Variants in CNTNAP2 observed in about 807,000 individuals in gnomAD.
CNTNAP2 encodes contactin-associated protein-like 2.
In CNTNAP2, 98 loss-of-function variants were observed where a neutral mutation model predicts 155.2. That is an observed-to-expected ratio of 0.63 (90% confidence interval 0.54 to 0.75). CNTNAP2 has a LOEUF of 0.75. Among genes scored for constraint, CNTNAP2 ranks in the 30% least tolerant of loss-of-function variants. CNTNAP2 has a pLI of 0.00. For missense variants in CNTNAP2, 1,727 were observed against 1,688.1 expected, an observed-to-expected ratio of 1.02 and a Z score of -0.40; for synonymous variants, 651 against 631.2, an observed-to-expected ratio of 1.03 and a Z score of -0.47.
intron 10 of CNTNAP2, among the ~76,000 whole-genome samples, chr7:147,448,818 C>T (rs893090251): frequency 6.6e-6 from 1 of 151,956 alleles, no homozygotes; most frequent in Non-Finnish European, 1.5e-5. Context: ...GGGTTTAGCT[C>T]TCTGTCTACA....
intron 1 of CNTNAP2, among the ~76,000 whole-genome samples, chr7:146,384,254 A>T (rs1030079661): frequency 6.6e-6 from 1 of 152,216 alleles, no homozygotes. Flanking sequence ...TGCCATTCTA[A>T]ACCCAATCAT....
At chr7:147,219,537 G>A (rs758519424) in intron 8 of CNTNAP2, among the ~76,000 whole-genome samples, 30 of 152,102 alleles carry the variant, frequency 2.0e-4, no homozygotes, top group Non-Finnish European at 3.8e-4. Context: ...ACTTTCTTTT[G>A]CCTGCTTTAT....
chr7:147,099,219 T>C (rs1800607511), intron 4 of CNTNAP2, among the ~76,000 whole-genome samples: 1 of 152,162 alleles, frequency 6.6e-6, no homozygotes, highest in Admixed American at 6.5e-5. Flanking sequence ...AGACGGATCA[T>C]GGTCCAGAAG....
At chr7:147,561,244 T>G (rs566115821) in intron 11 of CNTNAP2, among the ~76,000 whole-genome samples, 7 of 152,342 alleles carry the variant, frequency 4.6e-5, no homozygotes, top group African/African-American at 1.7e-4. Context: ...AAGTGCAACT[T>G]ACCCAAAGAC....
chr7:148,118,498 A>G (rs1186166642), intron 16 of CNTNAP2, among the ~76,000 whole-genome samples: 1 of 152,162 alleles, frequency 6.6e-6, no homozygotes, highest in Non-Finnish European at 1.5e-5. Flanking sequence ...GCACATCCAG[A>G]TTCTCAAGCA....
chr7:147,774,423 TGA>T (rs1221141943), intron 13 of CNTNAP2, among the ~76,000 whole-genome samples: 1 of 152,196 alleles, frequency 6.6e-6, no homozygotes. Context: ...GTTTAAAAAC[TGA>T]GAGGGTTAAA....
chr7:146,532,180 G>C (rs1447589717), intron 1 of CNTNAP2, among the ~76,000 whole-genome samples: 1 of 152,078 alleles, frequency 6.6e-6, no homozygotes, highest in Non-Finnish European at 1.5e-5. Flanking sequence ...TTCTTAACAT[G>C]ACAACAAAAT....
At chr7:148,028,256 T>A (rs1164372770) in intron 15 of CNTNAP2, among the ~76,000 whole-genome samples, 3 of 152,230 alleles carry the variant, frequency 2.0e-5, no homozygotes, top group African/African-American at 7.2e-5. Flanking sequence ...CTAGAGTAAC[T>A]GATTTCTCTC....
chr7:146,575,606 G>A (rs1287026131), intron 1 of CNTNAP2, among the ~76,000 whole-genome samples: 3 of 152,162 alleles, frequency 2.0e-5, no homozygotes, highest in Non-Finnish European at 4.4e-5. Context: ...TGAAACAGGA[G>A]TGGTGACTTT....
intron 13 of CNTNAP2, among the ~76,000 whole-genome samples, chr7:147,742,813 G>T (rs1168531178): frequency 6.6e-6 from 1 of 152,164 alleles, no homozygotes; most frequent in Non-Finnish European, 1.5e-5. Context: ...CGTTTTCAAA[G>T]ATAGAGCAAG....
intron 13 of CNTNAP2, among the ~76,000 whole-genome samples, chr7:147,769,319 G>A (rs1240950349): frequency 1.3e-5 from 2 of 152,090 alleles, no homozygotes; most frequent in African/African-American, 2.4e-5. Context: ...TGTTCGCTGG[G>A]AGCTGAAAGA....
intron 10 of CNTNAP2, among the ~76,000 whole-genome samples, chr7:147,403,004 AAC>A (rs1394106814): frequency 6.6e-6 from 1 of 151,864 alleles, no homozygotes; most frequent in Non-Finnish European, 1.5e-5. Flanking sequence ...CACAAACATC[AAC>A]ACAGAGACCT....
chr7:147,863,927 T>G (rs1220454029), intron 13 of CNTNAP2, among the ~76,000 whole-genome samples: 1 of 152,222 alleles, frequency 6.6e-6, no homozygotes, highest in Non-Finnish European at 1.5e-5. Flanking sequence ...AGCTCTTTGG[T>G]TTAATCACAT....
chr7:148,313,714 TG>T (rs1797636894), intron 21 of CNTNAP2, among the ~76,000 whole-genome samples: 2 of 152,194 alleles, frequency 1.3e-5, no homozygotes, highest in African/African-American at 4.8e-5. Context: ...AGTCCTGTTG[TG>T]GGGTCTGAGC....
intron 1 of CNTNAP2, among the ~76,000 whole-genome samples, chr7:146,325,875 G>T (rs1033205503): frequency 2.0e-5 from 3 of 152,088 alleles, no homozygotes; most frequent in Non-Finnish European, 4.4e-5. Flanking sequence ...ATGATATGAT[G>T]ACATCAGACA....
intron 18 of CNTNAP2, among the ~76,000 whole-genome samples, chr7:148,179,114 C>T (rs768106853): frequency 6.6e-6 from 1 of 152,300 alleles, no homozygotes; most frequent in Non-Finnish European, 1.5e-5. Flanking sequence ...TTGTCAATAG[C>T]GCAAGTCTTG....
At chr7:147,815,917 A>G (rs1204026023) in intron 13 of CNTNAP2, among the ~76,000 whole-genome samples, 1 of 152,170 alleles carries the variant, frequency 6.6e-6, no homozygotes, top group East Asian at 1.9e-4. Context: ...CTCTTTCAGC[A>G]GTTCTTAATC....
At chr7:146,941,957 AAT>A (rs1214343972) in intron 3 of CNTNAP2, among the ~76,000 whole-genome samples, 2 of 151,862 alleles carry the variant, frequency 1.3e-5, no homozygotes, top group African/African-American at 4.8e-5. Context: ...GTTTGATTTT[AAT>A]ATGTCTTGGG....
chr7:148,314,985 C>A, intron 21 of CNTNAP2, among the ~76,000 whole-genome samples: 1 of 151,852 alleles, frequency 6.6e-6, no homozygotes, highest in Non-Finnish European at 1.5e-5. Context: ...AGTGTGGCAC[C>A]AAGATTGAAA....
Sources: gnomAD v4.1 joint callset for allele counts (sites outside exome capture counted in the v4.1 genomes callset) on GRCh38, gnomAD v4.1.1 for gene constraint, MANE v1.5 for transcripts, NCBI Gene and HGNC (gene_info 2026-07-23, HGNC 2026-07-21) for gene names.